The following FHIT variants were observed in gnomAD, a reference collection of about 807,000 sequenced individuals.
FHIT encodes bis(5'-adenosyl)-triphosphatase.
In FHIT, 19 loss-of-function variants were observed where a neutral mutation model predicts 17.9. The ratio of observed to expected loss-of-function variants is 1.06; its 90% CI spans 0.74 to 1.56. The LOEUF (loss-of-function observed/expected upper bound fraction) is 1.56, where lower values mean the gene tolerates loss of function less well. Ranked by LOEUF, FHIT falls within the 40% of genes most tolerant of loss-of-function variation. FHIT has a pLI of 0.00. For missense variants in FHIT, 248 were observed against 189.2 expected (o/e 1.31, Z -1.82); for synonymous variants, 81 against 69.7 (o/e 1.16, Z -0.81).
chr3:59,774,901 C>T (rs140317173), intron 8 of FHIT, among the ~76,000 whole-genome samples: 3 of 152,254 alleles, frequency 2.0e-5, no homozygotes, highest in African/African-American at 4.8e-5. Context: ...TCTTGATACA[C>T]CAAGTGTAGT....
chr3:60,400,852 A>C (rs1479000984), intron 5 of FHIT, among the ~76,000 whole-genome samples: 1 of 152,182 alleles, frequency 6.6e-6, no homozygotes, highest in African/African-American at 2.4e-5. Flanking sequence ...TCTCTAAAAA[A>C]CAAAATTGAA....
intron 5 of FHIT, among the ~76,000 whole-genome samples, chr3:60,313,826 A>G (rs1010868030): frequency 1.3e-5 from 2 of 152,214 alleles, no homozygotes; most frequent in Admixed American, 1.3e-4. Flanking sequence ...TACTGGCACA[A>G]AATTGAGAGA....
intron 3 of FHIT, among the ~76,000 whole-genome samples, chr3:60,935,401 A>C (rs1191892228): frequency 6.6e-6 from 1 of 152,256 alleles, no homozygotes; most frequent in Non-Finnish European, 1.5e-5. Flanking sequence ...TACAAAAATC[A>C]CACAAATAAA....
intron 2 of FHIT, among the ~76,000 whole-genome samples, chr3:61,049,191 T>C (rs181579640): frequency 2.6e-5 from 4 of 151,478 alleles, no homozygotes; most frequent in African/African-American, 9.7e-5. Flanking sequence ...GAAAACTCAT[T>C]AGACGTTAAT....
chr3:60,829,647 A>T (rs1377067395), intron 3 of FHIT, among the ~76,000 whole-genome samples: 1 of 152,186 alleles, frequency 6.6e-6, no homozygotes, highest in Non-Finnish European at 1.5e-5. Context: ...TATTCGTGGT[A>T]CCTAACATGG....
At chr3:60,208,708 G>A (rs1299667232) in intron 5 of FHIT, among the ~76,000 whole-genome samples, 1 of 152,118 alleles carries the variant, frequency 6.6e-6, no homozygotes, top group Non-Finnish European at 1.5e-5. Flanking sequence ...TTCTGTGTTT[G>A]CAGACTATAA....
At chr3:60,408,770 TATTG>T (rs1701963711) in intron 5 of FHIT, among the ~76,000 whole-genome samples, 3 of 152,174 alleles carry the variant, frequency 2.0e-5, no homozygotes, top group Admixed American at 2.0e-4. Context: ...ATGACTTTAA[TATTG>T]ATTAAGTTCT....
At chr3:60,615,377 T>C (rs1269064715) in intron 4 of FHIT, among the ~76,000 whole-genome samples, 1 of 152,222 alleles carries the variant, frequency 6.6e-6, no homozygotes, top group Admixed American at 6.5e-5. Flanking sequence ...CGTGATTCCG[T>C]GGGCTGAATG....
chr3:60,090,549 C>T (rs963113307), intron 5 of FHIT, among the ~76,000 whole-genome samples: 2 of 152,162 alleles, frequency 1.3e-5, no homozygotes, highest in Non-Finnish European at 2.9e-5. Flanking sequence ...AATATATCTC[C>T]TGTGTTCTCT....
intron 5 of FHIT, among the ~76,000 whole-genome samples, chr3:60,243,805 T>C (rs1705254699): frequency 6.6e-6 from 1 of 152,126 alleles, no homozygotes; most frequent in Non-Finnish European, 1.5e-5. Flanking sequence ...TTTAACTTTT[T>C]TGTTTTTTAA....
At chr3:60,693,874 T>G (rs1559644909) in intron 4 of FHIT, among the ~76,000 whole-genome samples, 1 of 152,230 alleles carries the variant, frequency 6.6e-6, no homozygotes, top group Non-Finnish European at 1.5e-5. Context: ...TCTGGTGGCA[T>G]AGCTCTTTAG....
chr3:61,095,552 G>C (rs1011164547), intron 2 of FHIT, among the ~76,000 whole-genome samples: 1 of 152,028 alleles, frequency 6.6e-6, no homozygotes, highest in Non-Finnish European at 1.5e-5. Flanking sequence ...ACATATCCAC[G>C]AAGAATGACT....
intron 3 of FHIT, among the ~76,000 whole-genome samples, chr3:61,012,823 A>T (rs9837996): frequency 0.18 from 27,650 of 151,570 alleles, 3,416 homozygotes; most frequent in East Asian, 0.64. Context: ...AAATTTTTTT[A>T]AAAAATTTAA....
At chr3:60,983,340 T>G (rs1710575710) in intron 3 of FHIT, among the ~76,000 whole-genome samples, 1 of 152,150 alleles carries the variant, frequency 6.6e-6, no homozygotes, top group Admixed American at 6.5e-5. Flanking sequence ...AGGGTATATT[T>G]CTGAGCTGGC....
At chr3:60,625,258 A>G (rs1553680507) in intron 4 of FHIT, among the ~76,000 whole-genome samples, 1 of 152,186 alleles carries the variant, frequency 6.6e-6, no homozygotes, top group Admixed American at 6.5e-5. Context: ...ATTCACGTAC[A>G]AGCTTTTGAG....
intron 8 of FHIT, among the ~76,000 whole-genome samples, chr3:59,823,347 T>A (rs1343576589): frequency 6.6e-6 from 1 of 152,224 alleles, no homozygotes. Flanking sequence ...GGTATTTTTA[T>A]GGGAATTGCA....
intron 5 of FHIT, among the ~76,000 whole-genome samples, chr3:60,075,130 C>T (rs890954648): frequency 6.6e-6 from 1 of 152,128 alleles, no homozygotes; most frequent in Non-Finnish European, 1.5e-5. Flanking sequence ...AACTGCTCAA[C>T]ATATATGCGT....
chr3:59,788,881 G>GTTTTTTTTTTTTGTTTTTTTTTTTT (rs60361063), intron 8 of FHIT, among the ~76,000 whole-genome samples: 1 of 86,804 alleles, frequency 1.2e-5, no homozygotes, highest in Non-Finnish European at 2.0e-5. Flanking sequence ...GAGTTCATAT[G>GTTTTTTTTTTTTGTTTTTTTTTTTT]TTTTTTTTTT....
intron 5 of FHIT, among the ~76,000 whole-genome samples, chr3:60,282,488 G>A (rs906403010): frequency 5.9e-5 from 9 of 152,138 alleles, no homozygotes; most frequent in Non-Finnish European, 1.3e-4. Flanking sequence ...AACTGTAATG[G>A]TGGATACACG....
Sources: gnomAD v4.1 joint callset for allele counts (sites outside exome capture counted in the v4.1 genomes callset) on GRCh38, gnomAD v4.1.1 for gene constraint, MANE v1.5 for transcripts, NCBI Gene and HGNC (gene_info 2026-07-23, HGNC 2026-07-21) for gene names.